The following GSTO2 variants were observed in gnomAD, a reference collection of about 807,000 sequenced individuals.
GSTO2 encodes the protein glutathione S-transferase omega 2, also known as glutathione S-transferase omega-2.
A neutral mutation model predicts 28.4 loss-of-function variants in GSTO2; 23 were observed. The observed-to-expected ratio is 0.81, with a 90% CI of 0.58 to 1.15. The LOEUF is 1.15. Ranked by LOEUF, GSTO2 falls within the 50% of genes most tolerant of loss-of-function variation. The probability of loss-of-function intolerance (pLI) is 0.00; values close to 1 mark genes in which losing one functional copy is unlikely to be tolerated. For missense variants in GSTO2, 298 were observed against 297.8 expected (o/e 1.00, Z 0.00); for synonymous variants, 109 against 111.0 (o/e 0.98, Z 0.11).
At chr10:104,289,598 G>T (rs970641889) in intron 5 of GSTO2, among the ~76,000 whole-genome samples, 5 of 152,076 alleles carry the variant, frequency 3.3e-5, no homozygotes, top group Admixed American at 6.6e-5. Flanking sequence ...AGGAGAAAAT[G>T]GTCTTAAATA....
At chr10:104,287,432 T>C (rs2012499567) in intron 5 of GSTO2, among the ~76,000 whole-genome samples, 1 of 152,222 alleles carries the variant, frequency 6.6e-6, no homozygotes, top group Non-Finnish European at 1.5e-5. Context: ...TTTGTGATGA[T>C]GACAAATTAG....
chr10:104,273,681 T>C (rs568526), intron 1 of GSTO2, among the ~76,000 whole-genome samples: 67,944 of 152,128 alleles, frequency 0.45, 17,886 homozygotes, highest in African/African-American at 0.74. Context: ...CCTTTCCTCC[T>C]AACACTATTA....
At chr10:104,288,492 T>C (rs905089392) in intron 5 of GSTO2, 37 of 152,252 alleles carry the variant, frequency 2.4e-4, no homozygotes, top group African/African-American at 8.7e-4. Flanking sequence ...ACCAGCAGTA[T>C]GTGAAAATGC....
At chr10:104,270,510 T>G (rs2011345042) in intron 1 of GSTO2, among the ~76,000 whole-genome samples, 1 of 152,178 alleles carries the variant, frequency 6.6e-6, no homozygotes. Flanking sequence ...TTTTTTTTTC[T>G]TTGATTCCTC....
Position 104,293,563 on chromosome 10 carries a change from A to ATTTT in GSTO2, c.469-3996_469-3993dup, listed in dbSNP as rs397787244. Among the ~76,000 whole-genome samples, 420 of 81,630 alleles carry ATTTT rather than the reference A, an allele frequency of 5.1e-3. 37 individuals carry two copies. Among genetic ancestry groups the ATTTT allele is most frequent in the Non-Finnish European group, 7.8e-3 (333 of 42,682 alleles). 53.6% of individuals were successfully genotyped at this position (81,630 alleles called of 152,430 possible). Reference sequence around the variant, plus strand: ...AGGCATGAGCCACTGCGCCTGGCCAATTTTTTTTTTTTTTTTTTTTTTGCG... The same window carrying ATTTT: ...AGGCATGAGCCACTGCGCCTGGCCAATTTTTTTTTTTTTTTTTTTTTTTTTTGCG... On this transcript the variant is annotated intron_variant, in intron 5 of 6. Coordinates refer to ENST00000338595, the MANE Select transcript of GSTO2 (RefSeq NM_183239.2).
Position 104,303,045 on chromosome 10 carries a change from A to T in GSTO2, c.*3761A>T, listed in dbSNP as rs987570207. 1 of 152,196 alleles carries T rather than the reference A, an allele frequency of 6.6e-6. No homozygotes were observed. The highest frequency in any genetic ancestry group is 1.5e-5 in the Non-Finnish European group (1 of 68,030). The allele number at this position is 152,196 out of a possible 1,614,324, so 9.4% of individuals were successfully genotyped here. The stretch of plus-strand genomic sequence containing the variant: ...TGGGGTTTGTTATGCAGATTATTTC[A>T]TCACCTAGATATTAAGTCTAGTATC... On this transcript the variant is annotated 3_prime_UTR_variant, in exon 7 of 7. Transcript: ENST00000338595.
intron 5 of GSTO2, chr10:104,295,947 C>T (rs1010924813): frequency 6.6e-6 from 1 of 152,214 alleles, no homozygotes; most frequent in Admixed American, 6.5e-5. Context: ...CCACAACTCA[C>T]CTGGGCCCAG....
intron 1 of GSTO2, among the ~76,000 whole-genome samples, chr10:104,274,455 T>C (rs1476504836): frequency 6.6e-6 from 1 of 152,180 alleles, no homozygotes; most frequent in Non-Finnish European, 1.5e-5. Flanking sequence ...TGTACTTACT[T>C]ACCAAAGAGT....
intron 5 of GSTO2, among the ~76,000 whole-genome samples, chr10:104,291,846 C>A (rs12241680): frequency 0.021 from 3,174 of 152,316 alleles, 115 homozygotes; most frequent in African/African-American, 0.071. Context: ...AAACACCTTT[C>A]TGCAAAGTAT....
chr10:104,292,919 G>A (rs931292953), intron 5 of GSTO2, among the ~76,000 whole-genome samples: 5 of 152,190 alleles, frequency 3.3e-5, no homozygotes, highest in African/African-American at 1.2e-4. Context: ...CAAGACATTG[G>A]ATGTTAAGTC....
chr10:104,290,312 C>T (rs1182641569), intron 5 of GSTO2, among the ~76,000 whole-genome samples: 1 of 152,074 alleles, frequency 6.6e-6, no homozygotes, highest in Non-Finnish European at 1.5e-5. Flanking sequence ...TCGAGACCAG[C>T]CTGGCCAACA....
intron 4 of GSTO2, 85 bp downstream of exon 4, chr10:104,278,201 T>G: frequency 1.0e-6 from 1 of 992,300 alleles, no homozygotes; most frequent in East Asian, 2.6e-5. Flanking sequence ...AGCCAAATCA[T>G]TGGTGAAACT....
rs980043326 is a variant in GSTO2, at chr10:104,299,474, CT to C, written c.*198del. 1.0e-5 allele frequency: 6 copies of C among 589,148 alleles called. No individual in the cohort carries two copies. Among genetic ancestry groups the C allele is most frequent in the African/African-American group, 1.9e-5 (1 of 51,674 alleles). 36.5% of individuals were successfully genotyped at this position (589,148 alleles called of 1,614,324 possible). On this transcript the variant is annotated 3_prime_UTR_variant, in exon 7 of 7. Coordinates refer to ENST00000338595, the MANE Select transcript of GSTO2 (RefSeq NM_183239.2). ...TAGCCTGTAGCTGCTGCTACTGCTG[CT>C]TTTTTTTCCTTTTTTTTTTTGAGGC...
chr10:104,297,139 C>T (rs1179955636), intron 5 of GSTO2: 2 of 153,104 alleles, frequency 1.3e-5, no homozygotes, highest in Non-Finnish European at 2.9e-5. Context: ...AGCGGGGTTC[C>T]TAATGCTAGC....
chr10:104,276,650 AC>A (rs2011647230), intron 3 of GSTO2, among the ~76,000 whole-genome samples: 1 of 151,804 alleles, frequency 6.6e-6, no homozygotes, highest in Non-Finnish European at 1.5e-5. Flanking sequence ...TTAGGTTGAG[AC>A]CCACTGCTTT....
chr10:104,292,533 G>A (rs1473469910), intron 5 of GSTO2, among the ~76,000 whole-genome samples: 1 of 151,294 alleles, frequency 6.6e-6, no homozygotes, highest in Non-Finnish European at 1.5e-5. Context: ...CGTGATCACT[G>A]CTCACTTCAG....
At chr10:104,272,301 T>C (rs1269039615) in intron 1 of GSTO2, among the ~76,000 whole-genome samples, 1 of 152,250 alleles carries the variant, frequency 6.6e-6, no homozygotes, top group Non-Finnish European at 1.5e-5. Flanking sequence ...CCCATTTGTT[T>C]ATTTATCATC....
intron 5 of GSTO2, among the ~76,000 whole-genome samples, chr10:104,283,581 G>A (rs1419007563): frequency 2.6e-5 from 4 of 152,086 alleles, no homozygotes; most frequent in East Asian, 1.9e-4. Context: ...AGCTATGATC[G>A]TGCCACTGTA....
chr10:104,277,738 A>G (rs1039396500), intron 3 of GSTO2, among the ~76,000 whole-genome samples, 156 bp from the exon 4 acceptor site: 16 of 152,234 alleles, frequency 1.1e-4, no homozygotes, highest in African/African-American at 3.4e-4. Flanking sequence ...GCAGGAAGGA[A>G]GATGATGATG....
Sources: allele counts gnomAD v4.1 joint callset (sites outside exome capture counted in the v4.1 genomes callset), GRCh38; gene constraint gnomAD v4.1.1; transcripts MANE v1.5; gene names NCBI Gene and HGNC (gene_info 2026-07-23, HGNC 2026-07-21).